AGFG2: variants seen among roughly 807,000 people sequenced by gnomAD.
AGFG2 encodes the protein ArfGAP with FG repeats 2.
In AGFG2, 31 loss-of-function variants were observed where a neutral mutation model predicts 48.0. That is an observed-to-expected ratio of 0.65 (90% CI 0.49 to 0.87). The LOEUF (loss-of-function observed/expected upper bound fraction) is 0.87. Ranked by LOEUF, AGFG2 falls within the 40% of genes least tolerant of loss-of-function variation. The pLI, the probability that AGFG2 is intolerant of heterozygous loss-of-function variation, is 0.00. For synonymous variants in AGFG2, 229 were observed against 260.8 expected (o/e 0.88, Z 1.18); for missense variants, 599 against 632.6 (o/e 0.95, Z 0.57).
In AGFG2 at chr7:100,565,127, C is replaced by G. The variant is rs1194846675; in HGVS notation, c.*136C>G. ...GTGCTAATGCTTTGCTTGGGGCCTA[C>G]AGGTGAAAGGTGGCTGCCCTCAGAT... On this transcript the variant is annotated 3_prime_UTR_variant, in exon 12 of 12. Transcript: ENST00000300176. 3.9e-6 allele frequency: 4 copies of G among 1,025,288 alleles called. No homozygotes were observed. In the South Asian group the frequency reaches 4.1e-5, roughly 10 times the overall value. The allele number at this position is 1,025,288 out of a possible 1,614,324, so 63.5% of individuals were successfully genotyped here.
chr7:100,551,271 G>A (rs1007864710), intron 3 of AGFG2, among the ~76,000 whole-genome samples: 8 of 150,570 alleles, frequency 5.3e-5, no homozygotes, highest in Non-Finnish European at 8.9e-5. Flanking sequence ...GAGTTTCACC[G>A]TGTTAGCCAG....
At position 100,566,474 on chromosome 7, in the gene AGFG2, C is replaced by T. The variant is rs1801009579; in HGVS notation, c.*1483C>T. ...GGCCACCTTGCTGTTTGGCCCAAGG[C>T]CAGGTGAGGCCCCTCCCTTTCCACC... On this transcript the variant is annotated 3_prime_UTR_variant, in exon 12 of 12. Transcript: ENST00000300176. 6.6e-6 allele frequency: 1 copy of T among 152,314 alleles called. No individual in the cohort carries two copies. Among genetic ancestry groups the T allele is most frequent in the Non-Finnish European group, 1.5e-5 (1 of 68,092 alleles). The allele number at this position is 152,314 out of a possible 1,614,324, so 9.4% of individuals were successfully genotyped here. A position where few individuals can be genotyped will look rare whatever the true frequency, so the allele number is the denominator to read the frequency against.
intron 6 of AGFG2, among the ~76,000 whole-genome samples, chr7:100,558,283 T>C (rs1167074287): frequency 6.6e-6 from 1 of 152,214 alleles, no homozygotes; most frequent in Non-Finnish European, 1.5e-5. Flanking sequence ...TAGGATAAGA[T>C]AGTTTTGCAC....
intron 11 of AGFG2, 50 bp downstream of exon 11, chr7:100,564,353 T>C: frequency 6.4e-7 from 1 of 1,558,070 alleles, no homozygotes; most frequent in South Asian, 1.2e-5. Flanking sequence ...GCTTTCCCTC[T>C]GGGACAATCC....
chr7:100,562,749 C>G lies in AGFG2; in HGVS notation c.1087+67C>G. On this transcript the variant is annotated intron_variant, in intron 8 of 11. Coordinates refer to ENST00000300176, the MANE Select transcript of AGFG2 (RefSeq NM_006076.5). This position sits in a 1 kb window ranked among gnomAD's most constrained non-coding sequence, Gnocchi z 5.4. Reference sequence around the variant, plus strand: ...CCAGGAGGAGTCTAAGGACTCTGGACAGGGTGGGAAGGGGAGAGATTGAGA... The same window carrying G: ...CCAGGAGGAGTCTAAGGACTCTGGAGAGGGTGGGAAGGGGAGAGATTGAGA... 1.3e-6 allele frequency: 2 copies of G among 1,590,910 alleles called. No homozygotes were observed. The highest frequency in any genetic ancestry group is 1.7e-6 in the Non-Finnish European group (2 of 1,167,070).
chr7:100,563,015 T>G, intron 9 of AGFG2, 69 bp downstream of exon 9: 1 of 1,436,972 alleles, frequency 7.0e-7, no homozygotes, highest in Non-Finnish European at 9.6e-7. Context: ...CCCTGCAGCC[T>G]CTCCCTTAAC....
chr7:100,541,119 G>A (rs1028433048), intron 1 of AGFG2, among the ~76,000 whole-genome samples: 2 of 152,006 alleles, frequency 1.3e-5, no homozygotes, highest in Non-Finnish European at 2.9e-5. Context: ...GCAAAGAGAG[G>A]TTTCGTAACT....
intron 1 of AGFG2, among the ~76,000 whole-genome samples, chr7:100,540,919 G>T (rs979936293): frequency 3.3e-5 from 5 of 149,862 alleles, no homozygotes; most frequent in African/African-American, 1.2e-4. Context: ...GGCTGAGGCA[G>T]GAGAATCACT....
rs762684092 is a variant in AGFG2, at chr7:100,549,675, GTTTATTTA to G, written c.316-699_316-692del. 2.8e-4 allele frequency among the ~76,000 whole-genome samples: 43 copies of G among 151,608 alleles called. 1 individual carries two copies. In the East Asian group the frequency reaches 5.6e-3, roughly 20 times the overall value. ...AGCACTGTGTCCATGCTCAATATTT[GTTTATTTA>G]TTTATTTATTTATTTATTTATCAGA... On this transcript the variant is annotated intron_variant, in intron 2 of 11. Coordinates refer to ENST00000300176, the MANE Select transcript of AGFG2 (RefSeq NM_006076.5).
rs1423302082 is a variant in AGFG2, at chr7:100,567,605, G to C, written c.*2614G>C. On this transcript the variant is annotated 3_prime_UTR_variant, in exon 12 of 12. Coordinates refer to ENST00000300176, the MANE Select transcript of AGFG2 (RefSeq NM_006076.5). ...AGGGCTGAGGGTAGGGGCTGAATGT[G>C]TGGCTCTGTCCCTGTGTTGCCTTCC... The C allele has an allele frequency of 6.5e-6, 1 of 152,736 alleles. No individual in the cohort carries two copies. Among genetic ancestry groups the C allele is most frequent in the South Asian group, 2.1e-4 (1 of 4,834 alleles). The allele number at this position is 152,736 out of a possible 1,614,324, so 9.5% of individuals were successfully genotyped here. A position where few individuals can be genotyped will look rare whatever the true frequency, so the allele number is the denominator to read the frequency against.
At chr7:100,563,685 AAGC>A (rs1427419010) in intron 9 of AGFG2, 146 bp from the exon 10 acceptor site, 4 of 1,193,340 alleles carry the variant, frequency 3.4e-6, no homozygotes, top group Non-Finnish European at 4.7e-6. Context: ...GTGGTGTGAG[AAGC>A]AGAAGAGTTC....
In AGFG2 at chr7:100,560,730, A is replaced by G. The variant is rs138636321; in HGVS notation, c.878-1529A>G. On this transcript the variant is annotated intron_variant, in intron 6 of 11. Transcript: ENST00000300176. Reference sequence around the variant, plus strand: ...AGGCACTGGGCACTTCGTCTTCCCTACTAGATTCTCAGCTTCACCCATTTA... The same window carrying G: ...AGGCACTGGGCACTTCGTCTTCCCTGCTAGATTCTCAGCTTCACCCATTTA... Among the ~76,000 whole-genome samples, 441 of 151,702 alleles carry G rather than the reference A, an allele frequency of 2.9e-3. 3 individuals are homozygous for G. Among genetic ancestry groups the G allele is most frequent in the African/African-American group, 0.01 (423 of 41,306 alleles).
chr7:100,548,786 A>G (rs377577235), intron 1 of AGFG2, 36 bp from the exon 2 acceptor site: 59 of 1,537,744 alleles, frequency 3.8e-5, no homozygotes, highest in Non-Finnish European at 5.2e-5. Flanking sequence ...TGCTAACTGC[A>G]TTATACTTCT....
chr7:100,552,977 C>G (rs527702748), intron 3 of AGFG2, among the ~76,000 whole-genome samples: 2 of 152,074 alleles, frequency 1.3e-5, no homozygotes, highest in Admixed American at 1.3e-4. Flanking sequence ...AGTGAGACCT[C>G]TTCTCTACAA....
At chr7:100,554,408 T>A (rs1212430999) in intron 5 of AGFG2, 150 bp downstream of exon 5, 3 of 1,015,686 alleles carry the variant, frequency 3.0e-6, no homozygotes, top group East Asian at 5.7e-5. Context: ...AGGACTGGGG[T>A]CAAATAAGTA....
intron 6 of AGFG2, among the ~76,000 whole-genome samples, chr7:100,559,790 C>T (rs1289597964): frequency 6.6e-6 from 1 of 150,896 alleles, no homozygotes; most frequent in East Asian, 1.9e-4. Context: ...TGCACTCCAG[C>T]CTGGGCAATT....
intron 1 of AGFG2, among the ~76,000 whole-genome samples, chr7:100,542,241 C>A (rs1584378713): frequency 6.6e-6 from 1 of 152,306 alleles, no homozygotes; most frequent in East Asian, 1.9e-4. Context: ...GTCTCGAACT[C>A]CTGATCTCAA....
chr7:100,556,502 C>A, intron 6 of AGFG2: 1 of 1,140,708 alleles, frequency 8.8e-7, no homozygotes, highest in Non-Finnish European at 1.2e-6. Context: ...TGCTCGCCGT[C>A]AGGCTCAGAT....
intron 11 of AGFG2, among the ~76,000 whole-genome samples, 177 bp downstream of exon 11, chr7:100,564,480 CTG>C (rs1800962991): frequency 6.6e-6 from 1 of 151,892 alleles, no homozygotes; most frequent in Non-Finnish European, 1.5e-5. Context: ...ATCTCCCATG[CTG>C]TTCCAGCCCT....
Sources: allele counts gnomAD v4.1 joint callset (sites outside exome capture counted in the v4.1 genomes callset), GRCh38; gene constraint gnomAD v4.1.1; non-coding constraint Gnocchi (gnomAD v3.1); transcripts MANE v1.5; gene names NCBI Gene and HGNC (gene_info 2026-07-23, HGNC 2026-07-21).